COA1: variants seen among roughly 807,000 people sequenced by gnomAD.
COA1 encodes the protein cytochrome c oxidase assembly factor 1.
A neutral mutation model predicts 16.0 loss-of-function variants in COA1; 13 were observed. The observed-to-expected ratio is 0.81, with a 90% CI of 0.53 to 1.29. The LOEUF (loss-of-function observed/expected upper bound fraction) is 1.29, where lower values mean the gene tolerates loss of function less well. Among genes scored for constraint, COA1 ranks in the 50% most tolerant of loss-of-function variants. COA1 has a pLI of 0.00. For missense variants in COA1, 179 were observed against 177.0 expected (o/e 1.01, Z -0.06); for synonymous variants, 65 against 65.7 (o/e 0.99, Z 0.05).
chr7:43,728,039 A>T (rs2095654109), intron 1 of COA1, among the ~76,000 whole-genome samples: 1 of 151,256 alleles, frequency 6.6e-6, no homozygotes, highest in South Asian at 2.1e-4. Context: ...CAGTGGCGCA[A>T]TCTCGGCTCA....
chr7:43,674,549 C>T (rs947479846), intron 1 of COA1, among the ~76,000 whole-genome samples: 22 of 152,190 alleles, frequency 1.4e-4, no homozygotes, highest in Non-Finnish European at 7.4e-5. Flanking sequence ...ACATATAAAA[C>T]TGCAATGATA....
chr7:43,718,498 A>G (rs1234699768), intron 1 of COA1, among the ~76,000 whole-genome samples: 5 of 152,254 alleles, frequency 3.3e-5, no homozygotes, highest in Non-Finnish European at 7.3e-5. Flanking sequence ...AATTACCAGT[A>G]ACTTTCCTCA....
rs552830288 is a variant in COA1, at chr7:43,705,166, C to T, written c.-39+24263G>A. 2.0e-5 allele frequency among the ~76,000 whole-genome samples: 3 copies of T among 152,278 alleles called. No homozygotes were observed. In the South Asian group the frequency reaches 6.2e-4, roughly 32 times the overall value. ...TTTTCTGGCTCCTTGAGGTTAAGTA[C>T]CTACTGCTCTGAAGGAGCTGAGATG... On this transcript the variant is annotated intron_variant, in intron 1 of 5. Transcript: ENST00000223336.
At chr7:43,659,886 G>T (rs964771905) in intron 1 of COA1, among the ~76,000 whole-genome samples, 1 of 152,122 alleles carries the variant, frequency 6.6e-6, no homozygotes, top group Non-Finnish European at 1.5e-5. Context: ...TCTTTAAAGA[G>T]GTAATTAAAT....
chr7:43,622,460 C>A (rs1176399901), intron 6 of COA1: 1 of 151,762 alleles, frequency 6.6e-6, no homozygotes, highest in Non-Finnish European at 1.5e-5. Flanking sequence ...ATTGTAATTA[C>A]CACAGTTTTT....
intron 1 of COA1, among the ~76,000 whole-genome samples, chr7:43,729,186 C>T (rs571042553): frequency 1.3e-4 from 20 of 152,344 alleles, no homozygotes; most frequent in African/African-American, 4.8e-4. Flanking sequence ...AGGACAAGGT[C>T]AAGGTTAGCT....
intron 1 of COA1, among the ~76,000 whole-genome samples, chr7:43,703,668 G>C (rs968349521): frequency 6.6e-6 from 1 of 152,068 alleles, no homozygotes; most frequent in African/African-American, 2.4e-5. Context: ...TCCCTGCTCT[G>C]TTTTGTTTGT....
chr7:43,645,281 CCT>C lies in COA1; in HGVS notation c.232_233del (p.Arg78GlyfsTer8), dbSNP rs765468534. ...LNIHYLKLIDRENFVDIVDAK... is the reference protein window; with the variant it reads ...LNIHYLKLIDXENFVDIVDAK... ...CATCAACAATGTCCACGAAGTTTTC[CCT>C]GTCGATGAGCTTGAGATAATGGATG... On this transcript the variant is annotated frameshift_variant, in exon 4 of 6. Coordinates refer to ENST00000223336, the MANE Select transcript of COA1 (RefSeq NM_018224.4). LOFTEE classifies it high-confidence loss of function. 6.8e-6 allele frequency: 11 copies of C among 1,613,976 alleles called. 1 individual carries two copies. The South Asian group carries it at 9.9e-5, about 15-fold the overall frequency.
intron 1 of COA1, among the ~76,000 whole-genome samples, chr7:43,728,314 G>C (rs2095661884): frequency 6.6e-6 from 1 of 151,364 alleles, no homozygotes; most frequent in Non-Finnish European, 1.5e-5. Context: ...GTGTCAGGAA[G>C]CTGTTTTATT....
In COA1 at chr7:43,619,138, G is replaced by A. The variant is rs1431900654; in HGVS notation, c.*134-9643C>T. Among the ~76,000 whole-genome samples, 5 of 152,314 alleles carry A rather than the reference G, an allele frequency of 3.3e-5. No homozygotes were observed. The South Asian group carries it at 8.3e-4, about 25-fold the overall frequency. The stretch of plus-strand genomic sequence containing the variant: ...AAAATAGTCCCTGAAAGACACAGAC[G>A]GGATTTGGTGGGTCTTTGATTATTG... On this transcript the variant is annotated intron_variant and NMD_transcript_variant, in intron 6 of 6. Coordinates refer to the COA1 transcript ENST00000415076.
At chr7:43,627,133 TC>T (rs1022920716) in intron 6 of COA1, among the ~76,000 whole-genome samples, 1 of 152,248 alleles carries the variant, frequency 6.6e-6, no homozygotes, top group African/African-American at 2.4e-5. Flanking sequence ...TAACTATAAT[TC>T]AACAATATTT....
intron 2 of COA1, 113 bp from the exon 3 acceptor site, chr7:43,647,747 C>CA: frequency 2.7e-6 from 2 of 737,132 alleles, no homozygotes; most frequent in Non-Finnish European, 4.5e-6. Flanking sequence ...GAAAGGAGGC[C>CA]AGACCGCCCT....
chr7:43,682,696 A>G (rs989288333), intron 1 of COA1, among the ~76,000 whole-genome samples: 3 of 152,190 alleles, frequency 2.0e-5, no homozygotes, highest in Non-Finnish European at 2.9e-5. Context: ...TCGAGTAAAC[A>G]CAGAATTTGT....
chr7:43,688,576 A>G (rs185393691), intron 1 of COA1, among the ~76,000 whole-genome samples: 95 of 152,346 alleles, frequency 6.2e-4, no homozygotes, highest in Non-Finnish European at 7.8e-4. Flanking sequence ...ACATAAGACA[A>G]GAACAAAAAC....
At chr7:43,637,369 C>G (rs1375462273), downstream of COA1, among the ~76,000 whole-genome samples, 3 of 152,142 alleles carry the variant, frequency 2.0e-5, no homozygotes, top group Non-Finnish European at 4.4e-5. Flanking sequence ...TGGCTGTGAT[C>G]CCTCTCCTGC....
intron 3 of COA1, chr7:43,646,567 C>T (rs1379765476): frequency 4.4e-6 from 2 of 456,588 alleles, no homozygotes; most frequent in Non-Finnish European, 8.8e-6. Context: ...CAGGTCTCAC[C>T]GACTTAGCAG....
chr7:43,648,802 G>C (rs2090132323), intron 1 of COA1, 150 bp from the exon 2 acceptor site: 1 of 598,674 alleles, frequency 1.7e-6, no homozygotes, highest in Non-Finnish European at 2.8e-6. Context: ...GTCTGTGAAA[G>C]GCCCTGGTTT....
chr7:43,659,486 A>G (rs2092203607), intron 1 of COA1, among the ~76,000 whole-genome samples: 1 of 152,254 alleles, frequency 6.6e-6, no homozygotes, highest in Non-Finnish European at 1.5e-5. Flanking sequence ...ACTTTCTGGC[A>G]TAAAAACTTC....
intron 1 of COA1, among the ~76,000 whole-genome samples, chr7:43,702,509 A>C (rs2094789059): frequency 6.6e-6 from 1 of 152,130 alleles, no homozygotes; most frequent in South Asian, 2.1e-4. Flanking sequence ...CTTGTAGCAT[A>C]GTTTGAAGTC....
Sources: gnomAD v4.1 joint callset for allele counts (sites outside exome capture counted in the v4.1 genomes callset) on GRCh38, gnomAD v4.1.1 for gene constraint, MANE v1.5 for transcripts, NCBI Gene and HGNC (gene_info 2026-07-23, HGNC 2026-07-21) for gene names.